Variants in SLC25A16 observed in about 807,000 individuals in gnomAD.
The protein encoded by SLC25A16 is solute carrier family 25 member 16.
In SLC25A16, 39 loss-of-function variants were observed where a neutral mutation model predicts 41.5. The ratio of observed to expected loss-of-function variants is 0.94; its 90% CI spans 0.73 to 1.23. The LOEUF (loss-of-function observed/expected upper bound fraction) is 1.23. SLC25A16 is among the 50% of genes most tolerant of loss of function. The probability of loss-of-function intolerance (pLI) is 0.00; values close to 1 mark genes in which losing one functional copy is unlikely to be tolerated. For synonymous variants in SLC25A16, 146 were observed against 147.8 expected, an observed-to-expected ratio of 0.99 and a Z score of 0.09; for missense variants, 421 against 426.9, an observed-to-expected ratio of 0.99 and a Z score of 0.12.
intron 8 of SLC25A16, among the ~76,000 whole-genome samples, chr10:68,485,922 C>T (rs1191981874): frequency 6.6e-6 from 1 of 150,846 alleles, no homozygotes; most frequent in Admixed American, 6.6e-5. Context: ...CTCAGCCTCC[C>T]GAGTAGCTGG....
chr10:68,523,478 T>G (rs1005091684), intron 1 of SLC25A16, among the ~76,000 whole-genome samples: 85 of 151,526 alleles, frequency 5.6e-4, no homozygotes, highest in African/African-American at 1.9e-3. Flanking sequence ...ATAAATGTCA[T>G]TTTTTTTTAA....
rs141973269 is a variant in SLC25A16 at position 68,514,804 on chromosome 10, C to G, written c.223+1947G>C. On this transcript the variant is annotated intron_variant, in intron 2 of 8. Coordinates refer to ENST00000609923, the MANE Select transcript of SLC25A16 (RefSeq NM_152707.4). ...CCAGGCTGGAGTGCAATGGCTTGATCTCAGCTTACAGCAACCTCCACCTCC... is the reference window on the plus strand; with the variant it reads ...CCAGGCTGGAGTGCAATGGCTTGATGTCAGCTTACAGCAACCTCCACCTCC... Among the ~76,000 whole-genome samples the G allele has an allele frequency of 4.7e-4, 72 of 151,944 alleles. 1 individual carries two copies. In the East Asian group the frequency reaches 0.013, roughly 28 times the overall value.
At chr10:68,503,815 A>G in intron 3 of SLC25A16, 120 bp from the exon 4 acceptor site, 1 of 690,780 alleles carries the variant, frequency 1.4e-6, no homozygotes, top group South Asian at 1.8e-5. Flanking sequence ...TTAATAATAA[A>G]TGTGAACGAA....
At chr10:68,508,569 T>A (rs576405796) in intron 2 of SLC25A16, among the ~76,000 whole-genome samples, 410 of 151,862 alleles carry the variant, frequency 2.7e-3, no homozygotes, top group Non-Finnish European at 5.0e-3. Context: ...ACAAAAAAAA[T>A]TATCTGGGCA....
chr10:68,498,788 T>C (rs1403622845), intron 4 of SLC25A16, among the ~76,000 whole-genome samples: 4 of 152,202 alleles, frequency 2.6e-5, no homozygotes, highest in Admixed American at 6.6e-5. Flanking sequence ...CTAATAATCA[T>C]TGGAGTATAC....
intron 1 of SLC25A16, chr10:68,517,967 T>A (rs1263481033): frequency 1.4e-5 from 2 of 146,618 alleles, no homozygotes; most frequent in South Asian, 2.2e-4. Flanking sequence ...CGAGACTCCA[T>A]CTCAAAGAAA....
At chr10:68,484,295 G>T (rs1269044418) in intron 8 of SLC25A16, among the ~76,000 whole-genome samples, 1 of 152,112 alleles carries the variant, frequency 6.6e-6, no homozygotes, top group Non-Finnish European at 1.5e-5. Context: ...AAAGCTTGAA[G>T]GACTATCTTT....
At chr10:68,514,498 A>G (rs1210283020) in intron 2 of SLC25A16, among the ~76,000 whole-genome samples, 1 of 152,196 alleles carries the variant, frequency 6.6e-6, no homozygotes, top group Non-Finnish European at 1.5e-5. Flanking sequence ...TCCATCTCAA[A>G]AAATAATAAT....
chr10:68,520,058 C>T (rs945692167), intron 1 of SLC25A16, among the ~76,000 whole-genome samples: 3 of 148,728 alleles, frequency 2.0e-5, no homozygotes, highest in Non-Finnish European at 3.0e-5. Flanking sequence ...TCAAGCGATT[C>T]TCCTGCCCCA....
chr10:68,511,131 G>C (rs573088299), intron 2 of SLC25A16, among the ~76,000 whole-genome samples: 1 of 151,926 alleles, frequency 6.6e-6, no homozygotes, highest in Non-Finnish European at 1.5e-5. Context: ...CCAGCTACTC[G>C]AGAGGCTGAG....
At chr10:68,527,086 GATT>G (rs1263811141) in intron 1 of SLC25A16, among the ~76,000 whole-genome samples, 157 bp downstream of exon 1, 2 of 152,180 alleles carry the variant, frequency 1.3e-5, no homozygotes, top group Non-Finnish European at 2.9e-5. Flanking sequence ...TTAGTCAAGT[GATT>G]ACTAGAAAGA....
chr10:68,498,120 C>A (rs2052781119), intron 4 of SLC25A16, among the ~76,000 whole-genome samples: 1 of 152,036 alleles, frequency 6.6e-6, no homozygotes, highest in Admixed American at 6.6e-5. Context: ...AGAGTAGAGG[C>A]CTAAGCATCA....
chr10:68,485,071 A>C (rs1277333323), intron 8 of SLC25A16, among the ~76,000 whole-genome samples: 2 of 152,162 alleles, frequency 1.3e-5, no homozygotes, highest in Non-Finnish European at 2.9e-5. Flanking sequence ...TATTTTTAAC[A>C]ATTATATATA....
intron 4 of SLC25A16, among the ~76,000 whole-genome samples, chr10:68,499,224 A>G (rs985147664): frequency 1.3e-5 from 2 of 152,176 alleles, no homozygotes. Context: ...GAAGGTGAGT[A>G]ACGGAGGCCA....
intron 6 of SLC25A16, among the ~76,000 whole-genome samples, chr10:68,492,434 TA>T (rs1590098161): frequency 6.6e-6 from 1 of 152,100 alleles, no homozygotes; most frequent in African/African-American, 2.4e-5. Context: ...TAACTGTATG[TA>T]AATCCACAAT....
intron 2 of SLC25A16, among the ~76,000 whole-genome samples, chr10:68,514,862 C>T (rs10998244): frequency 0.1 from 15,679 of 151,596 alleles, 920 homozygotes; most frequent in South Asian, 0.24. Flanking sequence ...CTCAATCTCC[C>T]GAGTAACTAG....
At chr10:68,507,510 A>G (rs1226344386) in intron 2 of SLC25A16, among the ~76,000 whole-genome samples, 1 of 152,152 alleles carries the variant, frequency 6.6e-6, no homozygotes, top group African/African-American at 2.4e-5. Context: ...AATACTCTTT[A>G]AGTGTGGGGG....
intron 2 of SLC25A16, among the ~76,000 whole-genome samples, chr10:68,515,019 T>C (rs2053136007): frequency 6.6e-6 from 1 of 151,372 alleles, no homozygotes; most frequent in Non-Finnish European, 1.5e-5. Context: ...AATACAGGCA[T>C]GAGCCACTGC....
At chr10:68,507,082 T>TTC (rs1409861125) in intron 2 of SLC25A16, among the ~76,000 whole-genome samples, 7 of 149,932 alleles carry the variant, frequency 4.7e-5, no homozygotes, top group African/African-American at 1.7e-4. Flanking sequence ...TTTTTTTTTT[T>TTC]TTTTTTTTTG....
Sources: gnomAD v4.1 joint callset for allele counts (sites outside exome capture counted in the v4.1 genomes callset) on GRCh38, gnomAD v4.1.1 for gene constraint, MANE v1.5 for transcripts, NCBI Gene and HGNC (gene_info 2026-07-23, HGNC 2026-07-21) for gene names.